Variants in DUSP13B observed in about 807,000 individuals in gnomAD.
DUSP13B encodes the protein dual specificity protein phosphatase 13B.
chr10:75,095,138 C>A, the DUSP13B span, among the ~76,000 whole-genome samples: 1 of 152,164 alleles, frequency 6.6e-6, no homozygotes, highest in Non-Finnish European at 1.5e-5. Flanking sequence ...CAACTCTGGG[C>A]CAGGGGAAGG....
the DUSP13B span, among the ~76,000 whole-genome samples, chr10:75,095,047 C>T: frequency 1.3e-5 from 2 of 152,232 alleles, no homozygotes; most frequent in East Asian, 1.9e-4. Flanking sequence ...CTCAAAGTCA[C>T]ATAGCAAGTT....
the DUSP13B span, chr10:75,095,020 CA>C: frequency 2.6e-6 from 2 of 773,044 alleles, no homozygotes; most frequent in African/African-American, 3.5e-5. Flanking sequence ...AACTGAAGCC[CA>C]AAGAGAGGAG....
At chr10:75,096,569 C>G in the DUSP13B span, among the ~76,000 whole-genome samples, 1 of 148,450 alleles carries the variant, frequency 6.7e-6, no homozygotes, top group Non-Finnish European at 1.5e-5. Flanking sequence ...ACAGTGAGAC[C>G]CCGCCTCAAA....
chr10:75,095,393 T>C, the DUSP13B span, among the ~76,000 whole-genome samples: 1 of 152,078 alleles, frequency 6.6e-6, no homozygotes, highest in African/African-American at 2.4e-5. Flanking sequence ...CTGCAATTGC[T>C]AGCCTCCAGG....
chr10:75,101,766 A>ACCCC, the DUSP13B span: 2 of 748,174 alleles, frequency 2.7e-6, no homozygotes, highest in Non-Finnish European at 2.1e-6. Flanking sequence ...CCCAACCCAA[A>ACCCC]CCCCACCCCT....
the DUSP13B span, among the ~76,000 whole-genome samples, chr10:75,100,572 T>C: frequency 6.6e-6 from 1 of 152,110 alleles, no homozygotes; most frequent in Non-Finnish European, 1.5e-5. Context: ...CCCAGCTGGG[T>C]GAAGCACAGG....
At chr10:75,105,414 G>T in the DUSP13B span, among the ~76,000 whole-genome samples, 1 of 152,174 alleles carries the variant, frequency 6.6e-6, no homozygotes, top group Non-Finnish European at 1.5e-5. Flanking sequence ...GATCCAGGTG[G>T]GGTGGGGGAT....
the DUSP13B span, chr10:75,109,003 A>C: frequency 6.3e-7 from 1 of 1,595,348 alleles, no homozygotes; most frequent in Non-Finnish European, 8.6e-7. Flanking sequence ...GCCAGCTACC[A>C]CTCACGCATC....
the DUSP13B span, chr10:75,101,811 C>T: frequency 1.0e-6 from 1 of 977,492 alleles, no homozygotes; most frequent in Non-Finnish European, 1.5e-6. Flanking sequence ...GCCCTCATTA[C>T]CCAGCATGCT....
At chr10:75,105,749 G>C in the DUSP13B span, 1 of 1,554,232 alleles carries the variant, frequency 6.4e-7, no homozygotes, top group East Asian at 2.4e-5. Context: ...AAGACCCATC[G>C]GTGCTGCCTC....
the DUSP13B span, among the ~76,000 whole-genome samples, chr10:75,096,611 T>C: frequency 3.3e-5 from 5 of 150,608 alleles, 1 homozygote; most frequent in African/African-American, 1.2e-4. Context: ...TAGCTAGGTG[T>C]GGTTGTGCAA....
the DUSP13B span, among the ~76,000 whole-genome samples, chr10:75,104,529 G>T: frequency 6.6e-6 from 1 of 152,194 alleles, no homozygotes; most frequent in Non-Finnish European, 1.5e-5. Flanking sequence ...CAGGCTGAGG[G>T]AGAAGGGTGA....
the DUSP13B span, chr10:75,095,490 A>G: frequency 2.4e-6 from 3 of 1,264,964 alleles, no homozygotes; most frequent in Non-Finnish European, 3.4e-6. Flanking sequence ...GTCTCTCTGG[A>G]CTCCCACCCA....
chr10:75,108,300 C>A, the DUSP13B span: 3 of 1,498,226 alleles, frequency 2.0e-6, no homozygotes, highest in Non-Finnish European at 8.8e-7. Context: ...AGGGACCGAG[C>A]CATTAGGGTC....
At chr10:75,103,744 A>T in the DUSP13B span, 1 of 557,274 alleles carries the variant, frequency 1.8e-6, no homozygotes, top group Non-Finnish European at 2.8e-6. Flanking sequence ...CTGAGCCCTG[A>T]GGGGAGCTGC....
At chr10:75,098,274 AG>A in the DUSP13B span, among the ~76,000 whole-genome samples, 2 of 152,210 alleles carry the variant, frequency 1.3e-5, no homozygotes, top group African/African-American at 4.8e-5. Flanking sequence ...CAGGGCACCC[AG>A]GAAGCCCCCA....
the DUSP13B span, chr10:75,101,834 C>T: frequency 1.5e-5 from 20 of 1,351,224 alleles, no homozygotes; most frequent in Non-Finnish European, 1.9e-5. Context: ...GGGACCACAT[C>T]CTACCCCCCC....
the DUSP13B span, chr10:75,099,403 A>G: frequency 1.6e-6 from 2 of 1,232,542 alleles, no homozygotes; most frequent in South Asian, 4.1e-5. Context: ...TGACCTCTCC[A>G]GGTGGCTGAG....
chr10:75,108,087 A>C, the DUSP13B span: 16 of 1,613,908 alleles, frequency 9.9e-6, no homozygotes, highest in Non-Finnish European at 1.4e-5. Flanking sequence ...TGGCACCCCC[A>C]GGTAGCTCAC....
Sources: allele counts gnomAD v4.1 joint callset (sites outside exome capture counted in the v4.1 genomes callset), GRCh38; gene constraint gnomAD v4.1.1; transcripts MANE v1.5; gene names NCBI Gene and HGNC (gene_info 2026-07-23, HGNC 2026-07-21).